PRKACA: variants seen among roughly 807,000 people sequenced by gnomAD.
PRKACA encodes protein kinase cAMP-activated catalytic subunit alpha.
A neutral mutation model predicts 45.8 loss-of-function variants in PRKACA; 9 were observed. The observed-to-expected ratio is 0.20, with a 90% CI of 0.12 to 0.34. The LOEUF is 0.34. PRKACA is among the 10% of genes least tolerant of loss of function. The pLI is 1.00. For missense variants in PRKACA, 238 were observed against 458.6 expected, an observed-to-expected ratio of 0.52 and a Z score of 4.39; for synonymous variants, 160 against 178.6, an observed-to-expected ratio of 0.90 and a Z score of 0.83.
At chr19:14,105,292 A>G (rs1224158914) in intron 3 of PRKACA, among the ~76,000 whole-genome samples, 3 of 152,042 alleles carry the variant, frequency 2.0e-5, no homozygotes, top group Non-Finnish European at 4.4e-5. Context: ...CGGGCGGATT[A>G]CCTGAGGTCA....
chr19:14,107,946 T>G, intron 1 of PRKACA: 1 of 986,958 alleles, frequency 1.0e-6, no homozygotes, highest in Non-Finnish European at 1.2e-6. Flanking sequence ...TCTCGCCCGA[T>G]GCCCACTCCT....
At chr19:14,117,372 C>T (rs1221200662) in intron 1 of PRKACA, 130 bp downstream of exon 1, 74 of 1,044,430 alleles carry the variant, frequency 7.1e-5, no homozygotes, top group Non-Finnish European at 8.2e-5. Context: ...TTGGACAGGC[C>T]GGGGCAAGGG....
At chr19:14,098,290 C>G in intron 5 of PRKACA, 1 of 169,022 alleles carries the variant, frequency 5.9e-6, no homozygotes, top group Non-Finnish European at 1.3e-5. Flanking sequence ...GGACAACTGC[C>G]TTTGGTGGGG....
intron 3 of PRKACA, among the ~76,000 whole-genome samples, chr19:14,103,657 C>T (rs1977510201): frequency 6.6e-6 from 1 of 152,220 alleles, no homozygotes; most frequent in Non-Finnish European, 1.5e-5. Flanking sequence ...GAGTCTATAC[C>T]TGCCCTACCC....
At position 14,100,814 on chromosome 19, in the gene PRKACA, T is replaced by TG. The variant is rs1342472574; in HGVS notation, c.419+11dup. The stretch of plus-strand genomic sequence containing the variant: ...CCTGACAGCCTGATGTGATGGGGGG[T>TG]GGCCCGCTTACCTGAACCTTCCGAT... On this transcript the variant is annotated intron_variant, in intron 5 of 9. Transcript: ENST00000308677. 6.2e-7 allele frequency: 1 copy of TG among 1,613,354 alleles called. No individual in the cohort carries two copies. The highest frequency in any genetic ancestry group is 2.2e-5 in the East Asian group (1 of 44,852).
chr19:14,111,627 A>G (rs529949972), intron 1 of PRKACA, among the ~76,000 whole-genome samples: 2 of 152,196 alleles, frequency 1.3e-5, no homozygotes, highest in South Asian at 4.1e-4. Flanking sequence ...TTGTTTTGAG[A>G]TGGGGTCTTG....
chr19:14,109,999 T>TACATACACACACACACACACAC (rs1966920581), intron 1 of PRKACA, among the ~76,000 whole-genome samples: 3 of 55,470 alleles, frequency 5.4e-5, no homozygotes, highest in African/African-American at 3.1e-4. Context: ...TATATATATA[T>TACATACACACACACACACACAC]ACACACACAC....
chr19:14,117,653 G>T lies in PRKACA; in HGVS notation c.-106C>A. ...GGGCGGCGGCGGCGGCGGCCCTCGG[G>T]CTGGCTGCGCTAGCTGCGGCGCCGC... is the stretch of plus-strand genomic sequence containing the variant. On this transcript the variant is annotated 5_prime_UTR_variant, in exon 1 of 10. Transcript: ENST00000308677. 1.6e-6 allele frequency: 1 copy of T among 613,152 alleles called. No individual in the cohort carries two copies. The highest frequency in any genetic ancestry group is 2.0e-6 in the Non-Finnish European group (1 of 491,694). 38.0% of individuals were successfully genotyped at this position (613,152 alleles called of 1,614,324 possible). A position where few individuals can be genotyped will look rare whatever the true frequency, so the allele number is the denominator to read the frequency against.
In PRKACA at chr19:14,107,342, C is replaced by G. The variant is rs28730845; in HGVS notation, c.108+6G>C. On this transcript the variant is annotated splice_donor_region_variant and intron_variant, in intron 2 of 9. Transcript: ENST00000308677. ...CCTCCCTGGGCTCTGCACCCGGCAG[C>G]CTTACCTGAGCGGGACTTTCCCATT... 82 of 1,613,676 alleles carry G rather than the reference C, an allele frequency of 5.1e-5. No individual in the cohort carries two copies. The highest frequency in any genetic ancestry group is 6.6e-5 in the Non-Finnish European group (78 of 1,179,668).
Position 14,097,131 on chromosome 19 carries a change from C to G in PRKACA, c.765+230G>C, listed in dbSNP as rs1030819049. 1 of 590,284 alleles carries G rather than the reference C, an allele frequency of 1.7e-6. No homozygotes were observed. The highest frequency in any genetic ancestry group is 3.2e-5 in the East Asian group (1 of 31,036). The allele number at this position is 590,284 out of a possible 1,614,324, so 36.6% of individuals were successfully genotyped here. On this transcript the variant is annotated intron_variant, in intron 8 of 9. Transcript: ENST00000308677. This position sits in a 1 kb window ranked among gnomAD's most constrained non-coding sequence, Gnocchi z 5.4. The stretch of plus-strand genomic sequence containing the variant: ...GTGGCCAAGATGTTCCCGTGAGGCT[C>G]GGGATTTTGGAAGCCCATGGGATTC...
At chr19:14,107,038 T>A in intron 2 of PRKACA, 150 bp from the exon 3 acceptor site, 1 of 1,043,382 alleles carries the variant, frequency 9.6e-7, no homozygotes, top group Non-Finnish European at 1.4e-6. Context: ...AAAATCAAGA[T>A]GGCAGAGGGC....
intron 9 of PRKACA, 82 bp downstream of exon 9, chr19:14,093,545 CT>C: frequency 2.7e-6 from 4 of 1,500,650 alleles, no homozygotes; most frequent in Non-Finnish European, 3.6e-6. Context: ...CCTGTGTTCT[CT>C]TCTCTATTTC....
At chr19:14,114,427 CAGA>C (rs1479579912) in intron 1 of PRKACA, among the ~76,000 whole-genome samples, 11 of 152,134 alleles carry the variant, frequency 7.2e-5, no homozygotes, top group Admixed American at 5.9e-4. Context: ...TGCCAAGGCA[CAGA>C]AGGTGTTTGG....
Position 14,092,824 on chromosome 19 carries a change from G to A in PRKACA, c.*288C>T, listed in dbSNP as rs1028615660. 12 of 480,854 alleles carry A rather than the reference G, an allele frequency of 2.5e-5. No individual in the cohort carries two copies. Among genetic ancestry groups the A allele is most frequent in the Admixed American group, 2.5e-4 (7 of 28,152 alleles). The allele number at this position is 480,854 out of a possible 1,614,324, so 29.8% of individuals were successfully genotyped here. On this transcript the variant is annotated 3_prime_UTR_variant, in exon 10 of 10. Transcript: ENST00000308677. ...GAGTTGAGAAACTCGTTTAAAACAG[G>A]CAGAAGTGGGCTGGGAGGGCTGAGG...
rs1249205813 is a variant in PRKACA, at chr19:14,117,629, G to A, written c.-82C>T. 1.4e-6 allele frequency: 1 copy of A among 736,710 alleles called. No homozygotes were observed. The highest frequency in any genetic ancestry group is 1.9e-5 in the African/African-American group (1 of 51,700). 45.6% of individuals were successfully genotyped at this position (736,710 alleles called of 1,614,324 possible). A position where few individuals can be genotyped will look rare whatever the true frequency, so the allele number is the denominator to read the frequency against. Reference sequence around the variant, plus strand: ...CGGCCGGCGGCCCCGGAGCGCGCTGGGCGGCGGCGGCGGCGGCCCTCGGGC... The same window carrying A: ...CGGCCGGCGGCCCCGGAGCGCGCTGAGCGGCGGCGGCGGCGGCCCTCGGGC... On this transcript the variant is annotated 5_prime_UTR_variant, in exon 1 of 10. Transcript: ENST00000308677.
At chr19:14,114,677 G>A (rs1229401080) in intron 1 of PRKACA, among the ~76,000 whole-genome samples, 1 of 152,078 alleles carries the variant, frequency 6.6e-6, no homozygotes, top group Non-Finnish European at 1.5e-5. Context: ...CCCTGGGGCC[G>A]CTGCTCCCTC....
rs752340563 is a variant in PRKACA, at chr19:14,093,216, T to G, written c.952A>C (p.Lys318Gln). The G allele has an allele frequency of 6.2e-7, 1 of 1,613,852 alleles. No individual in the cohort carries two copies. The highest frequency in any genetic ancestry group is 1.1e-5 in the South Asian group (1 of 91,050). Residue 318 changes from lysine (K) to glutamine (Q), a missense_variant, in exon 10 of 10, where the codon AAG (lysine) becomes CAG (glutamine). By Grantham distance (53) the Lys-to-Gln change is moderately conservative. Coordinates refer to ENST00000308677, the MANE Select transcript of PRKACA (RefSeq NM_002730.4). ...CTCGTATCCCCAGGGCCTTTAAACTTTGGTATGAAGGGAGCTTCCACCTGG... is the reference window on the plus strand; with the variant it reads ...CTCGTATCCCCAGGGCCTTTAAACTGTGGTATGAAGGGAGCTTCCACCTGG... Reference protein sequence around the residue: ...QRKVEAPFIPKFKGPGDTSNF... With the variant: ...QRKVEAPFIPQFKGPGDTSNF...
chr19:14,117,608 C>G lies in PRKACA; in HGVS notation c.-61G>C, dbSNP rs1054659490. On this transcript the variant is annotated 5_prime_UTR_variant, in exon 1 of 10. Coordinates refer to ENST00000308677, the MANE Select transcript of PRKACA (RefSeq NM_002730.4). ...CGGCGCGGCGGGTGCTGGCTGCGGC[C>G]GGCGGCCCCGGAGCGCGCTGGGCGG... is the stretch of plus-strand genomic sequence containing the variant. The G allele has an allele frequency of 1.1e-6, 1 of 948,794 alleles. No individual in the cohort carries two copies. Among genetic ancestry groups the G allele is most frequent in the Non-Finnish European group, 1.3e-6 (1 of 798,722 alleles). The allele number at this position is 948,794 out of a possible 1,614,324, so 58.8% of individuals were successfully genotyped here. A position where few individuals can be genotyped will look rare whatever the true frequency, so the allele number is the denominator to read the frequency against.
chr19:14,116,264 C>G (rs1967103858), intron 1 of PRKACA, among the ~76,000 whole-genome samples: 1 of 152,176 alleles, frequency 6.6e-6, no homozygotes, highest in Non-Finnish European at 1.5e-5. Flanking sequence ...GAATGGGGTT[C>G]AAGACCATTT....
Sources: gnomAD v4.1 joint callset for allele counts (sites outside exome capture counted in the v4.1 genomes callset) on GRCh38, gnomAD v4.1.1 for gene constraint, Gnocchi (gnomAD v3.1) non-coding constraint, MANE v1.5 for transcripts, NCBI Gene and HGNC (gene_info 2026-07-23, HGNC 2026-07-21) for gene names.